The following CCSER1 variants were observed in gnomAD, a reference collection of about 807,000 sequenced individuals.
CCSER1 encodes the protein serine-rich coiled-coil domain-containing protein 1.
CCSER1 carries 41 observed loss-of-function variants against 82.0 expected under a neutral mutation model. The ratio of observed to expected loss-of-function variants is 0.50; its 90% CI spans 0.39 to 0.65. CCSER1 has a LOEUF of 0.65. Ranked by LOEUF, CCSER1 falls within the 30% of genes least tolerant of loss-of-function variation. The pLI is 0.00. For missense variants in CCSER1, 1,119 were observed against 1,064.2 expected (o/e 1.05, Z -0.72); for synonymous variants, 414 against 383.9 (o/e 1.08, Z -0.92).
At chr4:90,990,726 C>A (rs542921764) in intron 9 of CCSER1, among the ~76,000 whole-genome samples, 2 of 151,754 alleles carry the variant, frequency 1.3e-5, no homozygotes, top group Non-Finnish European at 2.9e-5. Context: ...CTAAAATACC[C>A]TAAAGTTGAG....
intron 8 of CCSER1, among the ~76,000 whole-genome samples, chr4:90,877,460 G>C (rs1767354648): frequency 6.6e-6 from 1 of 152,040 alleles, no homozygotes; most frequent in African/African-American, 2.4e-5. Flanking sequence ...ATGGAACCTG[G>C]CTGTAGTATT....
intron 10 of CCSER1, among the ~76,000 whole-genome samples, chr4:91,219,717 G>T (rs1464601476): frequency 2.6e-5 from 4 of 152,092 alleles, no homozygotes; most frequent in Non-Finnish European, 4.4e-5. Context: ...AAAGATTCCT[G>T]TTGGTAACAT....
intron 6 of CCSER1, among the ~76,000 whole-genome samples, chr4:90,654,893 A>G (rs1729434642): frequency 6.6e-6 from 1 of 152,076 alleles, no homozygotes; most frequent in African/African-American, 2.4e-5. Context: ...AGGAAAAGAA[A>G]TAAGATTGAG....
chr4:90,579,414 A>C (rs1781162516), intron 5 of CCSER1, among the ~76,000 whole-genome samples: 1 of 152,156 alleles, frequency 6.6e-6, no homozygotes, highest in Non-Finnish European at 1.5e-5. Flanking sequence ...CAAGGGCAAA[A>C]ATCTAGCTAC....
chr4:91,300,557 T>C (rs1744589907), intron 10 of CCSER1, among the ~76,000 whole-genome samples: 1 of 151,848 alleles, frequency 6.6e-6, no homozygotes, highest in African/African-American at 2.4e-5. Context: ...ACAACTAAAT[T>C]ACTCCAATAT....
chr4:90,655,791 T>C (rs891850292), intron 6 of CCSER1, among the ~76,000 whole-genome samples: 4 of 152,098 alleles, frequency 2.6e-5, no homozygotes, highest in Admixed American at 6.5e-5. Context: ...ATAGAAAGGA[T>C]TAAATACTCG....
intron 1 of CCSER1, among the ~76,000 whole-genome samples, chr4:90,232,112 G>GA (rs1744701203): frequency 1.3e-5 from 2 of 152,058 alleles, no homozygotes; most frequent in South Asian, 2.1e-4. Context: ...CACAGAATTG[G>GA]AAAAAACTAC....
chr4:90,936,111 A>T (rs1037105028), intron 9 of CCSER1, among the ~76,000 whole-genome samples: 1 of 152,002 alleles, frequency 6.6e-6, no homozygotes, highest in Non-Finnish European at 1.5e-5. Flanking sequence ...TTCTATTCAA[A>T]TCTACTTTCT....
intron 9 of CCSER1, chr4:91,017,443 G>A (rs1739531076): frequency 6.6e-6 from 1 of 152,184 alleles, no homozygotes; most frequent in Non-Finnish European, 1.5e-5. Flanking sequence ...AGGGGTACAT[G>A]TGCAGGTTCG....
intron 9 of CCSER1, among the ~76,000 whole-genome samples, chr4:91,025,452 T>A (rs1740405470): frequency 6.6e-6 from 1 of 152,144 alleles, no homozygotes; most frequent in African/African-American, 2.4e-5. Context: ...GTGCTGGCAC[T>A]TTTAGATGAT....
intron 5 of CCSER1, among the ~76,000 whole-genome samples, chr4:90,541,381 T>C (rs946130211): frequency 1.3e-5 from 2 of 152,144 alleles, no homozygotes; most frequent in Non-Finnish European, 2.9e-5. Context: ...AGCTTTTCTC[T>C]GCCTTGCTAC....
intron 5 of CCSER1, among the ~76,000 whole-genome samples, chr4:90,533,038 T>G (rs1006258284): frequency 2.0e-5 from 3 of 151,068 alleles, no homozygotes; most frequent in African/African-American, 4.9e-5. Flanking sequence ...TTTACTATGG[T>G]CCCTTTGCAT....
rs527428517 is a variant in CCSER1 at position 91,275,191 on chromosome 4, G to A, written c.2217+189197G>A. 1.8e-4 allele frequency among the ~76,000 whole-genome samples: 27 copies of A among 151,810 alleles called. No homozygotes were observed. In the South Asian group the frequency reaches 3.5e-3, roughly 20 times the overall value. On this transcript the variant is annotated intron_variant, in intron 10 of 10. Transcript: ENST00000509176. ...GCATCATGTGGTAGTTCTATTTATCGTTTTTCAAGAAATATTCATACTGTT... is the reference window on the plus strand; with the variant it reads ...GCATCATGTGGTAGTTCTATTTATCATTTTTCAAGAAATATTCATACTGTT...
In CCSER1 at chr4:90,264,055, T is replaced by C. The variant is rs10031810; in HGVS notation, c.-41-44189T>C. Among the ~76,000 whole-genome samples the C allele has an allele frequency of 7.1e-3, 1,076 of 152,310 alleles. 9 individuals carry two copies. Among genetic ancestry groups the C allele is most frequent in the African/African-American group, 0.025 (1,040 of 41,548 alleles). On this transcript the variant is annotated intron_variant, in intron 1 of 10. Transcript: ENST00000509176. The stretch of plus-strand genomic sequence containing the variant: ...AGATATAGCAGTTTTCAAGTCACAC[T>C]TGACTTTTAGAGCACCATAGTAAAG...
intron 1 of CCSER1, among the ~76,000 whole-genome samples, chr4:90,231,371 C>A (rs1744504971): frequency 1.3e-5 from 2 of 151,660 alleles, no homozygotes; most frequent in Non-Finnish European, 2.9e-5. Context: ...AGACAAAAAC[C>A]ACATGATTAT....
At chr4:90,873,522 G>A (rs996622552) in intron 8 of CCSER1, among the ~76,000 whole-genome samples, 1 of 151,940 alleles carries the variant, frequency 6.6e-6, no homozygotes. Flanking sequence ...CTTTACAATG[G>A]TATTGACCTT....
chr4:91,106,077 T>G (rs1017816138), intron 10 of CCSER1, among the ~76,000 whole-genome samples: 1 of 152,242 alleles, frequency 6.6e-6, no homozygotes, highest in Non-Finnish European at 1.5e-5. Flanking sequence ...TAAGGAATTG[T>G]AGGACTGTGG....
In CCSER1 at chr4:91,603,592, G is replaced by T. The variant is rs1305183827; in HGVS notation, c.*4535G>T. Reference sequence around the variant, plus strand: ...CGGTTCTTTTTAGAGCATTTTCAGTGTAGCCTCATTAACTTCTCCAATTTA... The same window carrying T: ...CGGTTCTTTTTAGAGCATTTTCAGTTTAGCCTCATTAACTTCTCCAATTTA... On this transcript the variant is annotated 3_prime_UTR_variant, in exon 11 of 11. Transcript: ENST00000509176. 1 of 152,078 alleles carries T rather than the reference G, an allele frequency of 6.6e-6. No homozygotes were observed. Among genetic ancestry groups the T allele is most frequent in the East Asian group, 1.9e-4 (1 of 5,196 alleles). 9.4% of individuals were successfully genotyped at this position (152,078 alleles called of 1,614,324 possible). A position where few individuals can be genotyped will look rare whatever the true frequency, so the allele number is the denominator to read the frequency against.
At chr4:90,945,824 T>C (rs910646496) in intron 9 of CCSER1, among the ~76,000 whole-genome samples, 1 of 151,480 alleles carries the variant, frequency 6.6e-6, no homozygotes, top group Non-Finnish European at 1.5e-5. Context: ...ATGGCTAACA[T>C]TTTTTTTTAA....
Sources: gnomAD v4.1 joint callset for allele counts (sites outside exome capture counted in the v4.1 genomes callset) on GRCh38, gnomAD v4.1.1 for gene constraint, MANE v1.5 for transcripts, NCBI Gene and HGNC (gene_info 2026-07-23, HGNC 2026-07-21) for gene names.